The following NRXN1 variants were observed in gnomAD, a reference collection of about 807,000 sequenced individuals.
NRXN1 encodes neurexin 1, also known as neurexin-1.
NRXN1 carries 39 observed loss-of-function variants against 150.9 expected under a neutral mutation model. That is an observed-to-expected ratio of 0.26 (90% CI 0.20 to 0.34). The LOEUF is 0.34. Ranked by LOEUF, NRXN1 falls within the 10% of genes least tolerant of loss-of-function variation. The probability of loss-of-function intolerance (pLI) is 1.00; values close to 1 mark genes in which losing one functional copy is unlikely to be tolerated. For synonymous variants in NRXN1, 924 were observed against 757.0 expected, an observed-to-expected ratio of 1.22 and a Z score of -3.62; for missense variants, 1,815 against 1,949.9, an observed-to-expected ratio of 0.93 and a Z score of 1.30.
At chr2:50,853,267 C>T (rs536667946) in intron 5 of NRXN1, among the ~76,000 whole-genome samples, 2 of 152,148 alleles carry the variant, frequency 1.3e-5, no homozygotes, top group African/African-American at 4.8e-5. Context: ...AGTAGGATAC[C>T]AGTGAGGATT....
intron 9 of NRXN1, chr2:50,551,124 GA>G (rs1667470670): frequency 7.8e-6 from 1 of 127,574 alleles, no homozygotes; most frequent in Non-Finnish European, 1.7e-5. Context: ...GGGGGAGGGG[GA>G]GGGGGAGGAA....
intron 12 of NRXN1, among the ~76,000 whole-genome samples, chr2:50,509,474 C>G (rs2092368507): frequency 6.6e-6 from 1 of 152,174 alleles, no homozygotes; most frequent in Non-Finnish European, 1.5e-5. Flanking sequence ...TAGGACCTGT[C>G]TCCACCCACA....
chr2:50,672,046 T>G (rs1688928070), intron 5 of NRXN1, among the ~76,000 whole-genome samples: 1 of 151,934 alleles, frequency 6.6e-6, no homozygotes, highest in Admixed American at 6.6e-5. Context: ...CATGTAAAAA[T>G]CAATGAGAAC....
At chr2:50,351,613 AC>A (rs5831113) in intron 17 of NRXN1, among the ~76,000 whole-genome samples, 20,336 of 152,086 alleles carry the variant, frequency 0.13, 2,253 homozygotes, top group East Asian at 0.36. Flanking sequence ...GAGGCTTTTC[AC>A]CCTTTATTAT....
intron 8 of NRXN1, among the ~76,000 whole-genome samples, chr2:50,573,306 T>G (rs1398722176): frequency 6.6e-6 from 1 of 151,686 alleles, no homozygotes; most frequent in African/African-American, 2.4e-5. Context: ...AAGGCTGCAA[T>G]GAACCGTAAC....
chr2:50,835,290 T>G (rs1671955154), intron 5 of NRXN1, among the ~76,000 whole-genome samples: 1 of 152,150 alleles, frequency 6.6e-6, no homozygotes, highest in African/African-American at 2.4e-5. Context: ...AATGATACCC[T>G]TAAAATAAGA....
At chr2:50,757,885 GAGGGCCACCAGTCT>G (rs1477590748) in intron 5 of NRXN1, 7 of 151,670 alleles carry the variant, frequency 4.6e-5, no homozygotes, top group Non-Finnish European at 8.8e-5. Flanking sequence ...CTCCTCTCTT[GAGGGCCACCAGTCT>G]TGAGGCTCTC....
intron 16 of NRXN1, among the ~76,000 whole-genome samples, chr2:50,471,549 T>C (rs2089467510): frequency 6.6e-6 from 1 of 151,898 alleles, no homozygotes; most frequent in Non-Finnish European, 1.5e-5. Context: ...AATTATGCAT[T>C]GCGCAGTGAT....
At chr2:50,275,582 C>T (rs1425860615) in intron 17 of NRXN1, among the ~76,000 whole-genome samples, 1 of 151,894 alleles carries the variant, frequency 6.6e-6, no homozygotes, top group African/African-American at 2.4e-5. Context: ...GACTTTTATT[C>T]GAAGATTTGG....
At chr2:51,009,088 C>A (rs1667461083) in intron 2 of NRXN1, among the ~76,000 whole-genome samples, 1 of 151,878 alleles carries the variant, frequency 6.6e-6, no homozygotes, top group Non-Finnish European at 1.5e-5. Context: ...CATGGATAGT[C>A]TGAATAAACT....
At chr2:50,666,585 G>A (rs931666568) in intron 5 of NRXN1, among the ~76,000 whole-genome samples, 1 of 151,690 alleles carries the variant, frequency 6.6e-6, no homozygotes, top group Admixed American at 6.6e-5. Flanking sequence ...CCACATTTTC[G>A]CCAACACTTG....
At chr2:50,384,176 A>G (rs888900360) in intron 17 of NRXN1, among the ~76,000 whole-genome samples, 3 of 152,158 alleles carry the variant, frequency 2.0e-5, no homozygotes, top group African/African-American at 7.2e-5. Context: ...ATGTTTTCCT[A>G]TCTATTGACA....
intron 5 of NRXN1, among the ~76,000 whole-genome samples, chr2:50,669,903 A>G (rs1688598952): frequency 6.6e-6 from 1 of 151,818 alleles, no homozygotes; most frequent in Non-Finnish European, 1.5e-5. Context: ...TCAGACCTCA[A>G]ATTTAGAATA....
At chr2:49,992,162 G>T (rs2152521689) in intron 21 of NRXN1, among the ~76,000 whole-genome samples, 1 of 152,176 alleles carries the variant, frequency 6.6e-6, no homozygotes, top group Non-Finnish European at 1.5e-5. Flanking sequence ...ATGACCTTGG[G>T]TATGGCACTG....
At chr2:50,410,595 G>A (rs532056191) in intron 17 of NRXN1, among the ~76,000 whole-genome samples, 2 of 152,174 alleles carry the variant, frequency 1.3e-5, no homozygotes, top group African/African-American at 4.8e-5. Flanking sequence ...ATGAATGAAT[G>A]AATGAACGAA....
At chr2:50,089,781 T>A (rs1319364469) in intron 19 of NRXN1, among the ~76,000 whole-genome samples, 1 of 137,684 alleles carries the variant, frequency 7.3e-6, no homozygotes, top group Non-Finnish European at 1.5e-5. Context: ...AGTGAGACCT[T>A]GCTTCAAAAA....
chr2:50,365,508 A>G (rs1056497279), intron 17 of NRXN1, among the ~76,000 whole-genome samples: 4 of 152,094 alleles, frequency 2.6e-5, no homozygotes, highest in Admixed American at 2.6e-4. Context: ...CAAATTTTCT[A>G]TAGTGAATTA....
chr2:50,115,469 A>T (rs930709190), intron 18 of NRXN1, among the ~76,000 whole-genome samples: 1 of 151,848 alleles, frequency 6.6e-6, no homozygotes, highest in Non-Finnish European at 1.5e-5. Context: ...TATCCACAAC[A>T]AACTAATAAA....
At chr2:50,409,192 G>T (rs1238911684) in intron 17 of NRXN1, among the ~76,000 whole-genome samples, 2 of 152,148 alleles carry the variant, frequency 1.3e-5, no homozygotes, top group African/African-American at 4.8e-5. Flanking sequence ...TGATTTCACA[G>T]ATGGAAAAGA....
Sources: allele counts gnomAD v4.1 joint callset (sites outside exome capture counted in the v4.1 genomes callset), GRCh38; gene constraint gnomAD v4.1.1; transcripts MANE v1.5; gene names NCBI Gene and HGNC (gene_info 2026-07-23, HGNC 2026-07-21).